The following CCDC191 variants were observed in gnomAD, a reference collection of about 807,000 sequenced individuals.
The protein encoded by CCDC191 is coiled-coil domain containing 191, also known as coiled-coil domain-containing protein 191.
CCDC191 carries 99 observed loss-of-function variants against 114.0 expected under a neutral mutation model. The ratio of observed to expected loss-of-function variants is 0.87; its 90% CI spans 0.74 to 1.03. CCDC191 has a LOEUF of 1.03. Among genes scored for constraint, CCDC191 ranks in the 50% least tolerant of loss-of-function variants. The probability of loss-of-function intolerance (pLI) is 0.00; values close to 1 mark genes in which losing one functional copy is unlikely to be tolerated. For synonymous variants in CCDC191, 351 were observed against 376.0 expected (o/e 0.93, Z 0.77); for missense variants, 973 against 1,087.0 (o/e 0.90, Z 1.47).
At chr3:114,034,846 G>T in intron 6 of CCDC191, 79 bp downstream of exon 6, 1 of 1,125,238 alleles carries the variant, frequency 8.9e-7, no homozygotes. Context: ...GAATGTTTGT[G>T]CACTTCAAAA....
upstream of CCDC191, chr3:114,056,609 G>A (rs759106396): frequency 1.4e-5 from 22 of 1,570,866 alleles, no homozygotes; most frequent in African/African-American, 2.7e-4. Flanking sequence ...CCACTCCCAC[G>A]AGGCTCTGCG....
chr3:113,978,470 G>A (rs1332265580), intron 15 of CCDC191, 139 bp from the exon 16 acceptor site: 37 of 843,506 alleles, frequency 4.4e-5, no homozygotes, highest in Non-Finnish European at 5.2e-5. Context: ...AGGATAACCT[G>A]GAAGCCAAGA....
At chr3:114,015,033 C>A (rs982276507) in intron 8 of CCDC191, among the ~76,000 whole-genome samples, 5 of 152,028 alleles carry the variant, frequency 3.3e-5, no homozygotes, top group Non-Finnish European at 7.4e-5. Context: ...AATGAATGAC[C>A]AAACGAATGA....
intron 5 of CCDC191, among the ~76,000 whole-genome samples, 166 bp from the exon 6 acceptor site, chr3:114,035,314 TA>T (rs1354156742): frequency 6.6e-6 from 1 of 152,160 alleles, no homozygotes; most frequent in African/African-American, 2.4e-5. Flanking sequence ...GTTTACTGGG[TA>T]AAGATGAATA....
At chr3:114,050,514 G>C in intron 2 of CCDC191, among the ~76,000 whole-genome samples, 1 of 152,184 alleles carries the variant, frequency 6.6e-6, no homozygotes. Flanking sequence ...AGGTAGGTAA[G>C]GGGGATTTGT....
intron 16 of CCDC191, among the ~76,000 whole-genome samples, chr3:113,971,088 G>A (rs889261991): frequency 1.3e-5 from 2 of 152,178 alleles, no homozygotes; most frequent in Non-Finnish European, 2.9e-5. Flanking sequence ...CCCAGTAACG[G>A]GATGGGTGGG....
At chr3:114,033,344 A>G (rs2076435895) in intron 6 of CCDC191, among the ~76,000 whole-genome samples, 1 of 152,206 alleles carries the variant, frequency 6.6e-6, no homozygotes, top group African/African-American at 2.4e-5. Flanking sequence ...TCCAATATTT[A>G]CGAAAGTCTG....
chr3:113,993,145 CCT>C (rs1316287914), intron 13 of CCDC191, among the ~76,000 whole-genome samples: 7 of 152,058 alleles, frequency 4.6e-5, no homozygotes, highest in African/African-American at 2.4e-5. Flanking sequence ...CTGGGTCACC[CCT>C]GTGACCCAGG....
Position 114,051,136 on chromosome 3 carries a change from CACA to C in CCDC191, c.129+2458_129+2460del, listed in dbSNP as rs2076693903. Among the ~76,000 whole-genome samples the C allele has an allele frequency of 2.0e-5, 3 of 152,138 alleles. No homozygotes were observed. In the South Asian group the frequency reaches 6.2e-4, roughly 32 times the overall value. Reference sequence around the variant, plus strand: ...CCGAACCATGTCACAAAGCATGGTTCACAACATTTTCCATTGCTCAAACCAAAC... The same window carrying C: ...CCGAACCATGTCACAAAGCATGGTTCACATTTTCCATTGCTCAAACCAAAC... On this transcript the variant is annotated intron_variant, in intron 2 of 16. Coordinates refer to ENST00000295878, the MANE Select transcript of CCDC191 (RefSeq NM_020817.2).
chr3:114,043,559 G>A (rs569224219), intron 3 of CCDC191, among the ~76,000 whole-genome samples: 1 of 152,302 alleles, frequency 6.6e-6, no homozygotes, highest in South Asian at 2.1e-4. Flanking sequence ...CAATAGTCCT[G>A]AGGCTGAAAT....
chr3:113,967,414 CATTTCTCTTTCTTTCCCTGA>C (rs1217820130), intron 16 of CCDC191, among the ~76,000 whole-genome samples: 1 of 137,504 alleles, frequency 7.3e-6, no homozygotes, highest in Non-Finnish European at 1.6e-5. Context: ...TCTTTCCCTA[CATTTCTCTTTCTTTCCCTGA>C]ACTCCTAAAA....
intron 16 of CCDC191, among the ~76,000 whole-genome samples, chr3:113,968,145 T>C (rs757899465): frequency 2.0e-5 from 3 of 152,218 alleles, no homozygotes; most frequent in Non-Finnish European, 4.4e-5. Flanking sequence ...TTTGGAGATA[T>C]ACCTATTAGT....
At chr3:114,041,343 G>A (rs2076557008) in intron 4 of CCDC191, among the ~76,000 whole-genome samples, 1 of 152,088 alleles carries the variant, frequency 6.6e-6, no homozygotes, top group African/African-American at 2.4e-5. Flanking sequence ...CTATATGAGT[G>A]GTCAAATATG....
chr3:114,019,404 G>C (rs2076212122), intron 7 of CCDC191, among the ~76,000 whole-genome samples: 1 of 152,120 alleles, frequency 6.6e-6, no homozygotes, highest in African/African-American at 2.4e-5. Flanking sequence ...TAGGGCTTTG[G>C]TGAGTCTAGA....
intron 2 of CCDC191, among the ~76,000 whole-genome samples, chr3:114,050,247 C>T (rs1195092810): frequency 6.6e-6 from 1 of 152,210 alleles, no homozygotes; most frequent in African/African-American, 2.4e-5. Flanking sequence ...CCTTTGTAGC[C>T]TAGCAACATG....
At chr3:114,043,147 T>C (rs553071306) in intron 3 of CCDC191, among the ~76,000 whole-genome samples, 1 of 152,236 alleles carries the variant, frequency 6.6e-6, no homozygotes, top group South Asian at 2.1e-4. Flanking sequence ...GAGAAAAAGA[T>C]ATTTGAGCAA....
intron 4 of CCDC191, among the ~76,000 whole-genome samples, chr3:114,039,666 C>A (rs1309640323): frequency 2.0e-5 from 3 of 151,044 alleles, no homozygotes; most frequent in African/African-American, 7.4e-5. Context: ...TATTGATGAT[C>A]CTGGTTCTGT....
At chr3:114,002,412 C>A in intron 12 of CCDC191, 44 bp downstream of exon 12, 1 of 1,395,662 alleles carries the variant, frequency 7.2e-7, no homozygotes, top group East Asian at 2.3e-5. Flanking sequence ...AAGACCTGGA[C>A]AAATCCTTCT....
At chr3:114,003,838 C>A in intron 11 of CCDC191, 1 of 985,394 alleles carries the variant, frequency 1.0e-6, no homozygotes, top group Non-Finnish European at 1.2e-6. Context: ...AATTTACAAA[C>A]CACAATATAA....
Sources: allele counts gnomAD v4.1 joint callset (sites outside exome capture counted in the v4.1 genomes callset), GRCh38; gene constraint gnomAD v4.1.1; transcripts MANE v1.5; gene names NCBI Gene and HGNC (gene_info 2026-07-23, HGNC 2026-07-21).